PAX3: variants seen among roughly 807,000 people sequenced by gnomAD.
PAX3 encodes the protein paired box protein Pax-3.
A neutral mutation model predicts 51.6 loss-of-function variants in PAX3; 14 were observed. The observed-to-expected ratio is 0.27, with a 90% CI of 0.18 to 0.42. PAX3 has a LOEUF of 0.42. Ranked by LOEUF, PAX3 falls within the 10% of genes least tolerant of loss-of-function variation. The pLI is 1.00. For synonymous variants in PAX3, 280 were observed against 253.4 expected (o/e 1.11, Z -1.00); for missense variants, 540 against 642.8 (o/e 0.84, Z 1.73).
intron 7 of PAX3, among the ~76,000 whole-genome samples, chr2:222,217,589 A>G (rs1467700224): frequency 6.7e-6 from 1 of 149,320 alleles, no homozygotes; most frequent in Non-Finnish European, 1.5e-5. Flanking sequence ...AGTAGTGAGG[A>G]AAAGGAGAAA....
chr2:222,253,966 C>A lies in PAX3; in HGVS notation c.587-21683G>T, dbSNP rs183957665. Among the ~76,000 whole-genome samples the A allele has an allele frequency of 4.3e-3, 652 of 152,144 alleles. 6 individuals are homozygous for A. Among genetic ancestry groups the A allele is most frequent in the African/African-American group, 0.015 (605 of 41,510 alleles). On this transcript the variant is annotated intron_variant, in intron 4 of 8. Transcript: ENST00000392070. ...CCACCACACCTGGCCTTTTTTTTCT[C>A]CAAAATGTTTCTTTAAATTTACATT...
At chr2:222,210,959 T>C (rs1691702248) in intron 7 of PAX3, among the ~76,000 whole-genome samples, 1 of 152,150 alleles carries the variant, frequency 6.6e-6, no homozygotes, top group African/African-American at 2.4e-5. Context: ...CTCACCCTCC[T>C]GGGCTTAAGC....
chr2:222,274,160 G>T (rs1309851769), intron 4 of PAX3, among the ~76,000 whole-genome samples: 1 of 151,990 alleles, frequency 6.6e-6, no homozygotes, highest in Non-Finnish European at 1.5e-5. Flanking sequence ...ATTCTAAAAG[G>T]ATATTTTTAA....
intron 5 of PAX3, among the ~76,000 whole-genome samples, chr2:222,226,676 A>T (rs953157674): frequency 6.6e-6 from 1 of 151,108 alleles, no homozygotes; most frequent in Non-Finnish European, 1.5e-5. Context: ...GGATTCTGCC[A>T]TATTCTCATT....
chr2:222,237,326 GCACACACA>G (rs3075849), intron 4 of PAX3, among the ~76,000 whole-genome samples: 40 of 146,454 alleles, frequency 2.7e-4, no homozygotes, highest in East Asian at 4.1e-4. Flanking sequence ...TTTATCACAT[GCACACACA>G]CACACACACA....
intron 7 of PAX3, among the ~76,000 whole-genome samples, chr2:222,216,796 C>G (rs1691978725): frequency 6.6e-6 from 1 of 152,100 alleles, no homozygotes; most frequent in South Asian, 2.1e-4. Flanking sequence ...AACTAGAAAG[C>G]CCACTCTACA....
chr2:222,205,542 C>T (rs1180013539), intron 7 of PAX3, among the ~76,000 whole-genome samples: 4 of 152,236 alleles, frequency 2.6e-5, no homozygotes, highest in East Asian at 3.9e-4. Context: ...ATATTATAAT[C>T]GTAATCTCAA....
intron 4 of PAX3, among the ~76,000 whole-genome samples, chr2:222,252,707 G>A (rs1284630871): frequency 1.3e-5 from 2 of 152,008 alleles, no homozygotes; most frequent in South Asian, 2.1e-4. Context: ...AGAGTTGTGT[G>A]GAACTTTTTT....
At chr2:222,251,400 C>T (rs1290916290) in intron 4 of PAX3, among the ~76,000 whole-genome samples, 1 of 152,098 alleles carries the variant, frequency 6.6e-6, no homozygotes, top group Non-Finnish European at 1.5e-5. Context: ...TGATGGTTTC[C>T]ACCTTCATCC....
Position 222,295,663 on chromosome 2 carries a change from A to T in PAX3, c.322-6T>A. The T allele has an allele frequency of 6.2e-7, 1 of 1,614,110 alleles. No individual in the cohort carries two copies. The highest frequency in any genetic ancestry group is 8.5e-7 in the Non-Finnish European group (1 of 1,180,026). On this transcript the variant is annotated splice_region_variant and splice_polypyrimidine_tract_variant and intron_variant, in intron 2 of 8. Transcript: ENST00000392070. The stretch of plus-strand genomic sequence containing the variant: ...ACGTCAGGCGTTGTCACCTGCTTTA[A>T]GAGAACAGGCGGGCAGGCGTTGGTA...
intron 4 of PAX3, among the ~76,000 whole-genome samples, chr2:222,244,212 G>T (rs1693128830): frequency 6.6e-6 from 1 of 152,142 alleles, no homozygotes; most frequent in African/African-American, 2.4e-5. Flanking sequence ...GTCTTTTTGT[G>T]TCTAAGCAAC....
Position 222,226,395 on chromosome 2 carries a change from G to A in PAX3, c.793-5008C>T, listed in dbSNP as rs148199828. 7.9e-5 allele frequency among the ~76,000 whole-genome samples: 12 copies of A among 152,156 alleles called. No homozygotes were observed. In the East Asian group the frequency reaches 1.9e-3, roughly 25 times the overall value. ...TTGGCCACCATTTGGAGAGCAGGTT[G>A]GAAACAGGATGGGCAAGATTGAACA... is the stretch of plus-strand genomic sequence containing the variant. On this transcript the variant is annotated intron_variant, in intron 5 of 8. Transcript: ENST00000392070.
At chr2:222,237,208 G>A (rs936958365) in intron 4 of PAX3, among the ~76,000 whole-genome samples, 1 of 152,024 alleles carries the variant, frequency 6.6e-6, no homozygotes, top group Admixed American at 6.6e-5. Context: ...AGGTTGTTCA[G>A]TTCATACAGC....
chr2:222,295,305 G>T (rs1695235394), intron 3 of PAX3, among the ~76,000 whole-genome samples: 1 of 152,140 alleles, frequency 6.6e-6, no homozygotes, highest in African/African-American at 2.4e-5. Flanking sequence ...TCTTTGGGGC[G>T]TCCTCAGCGG....
intron 4 of PAX3, chr2:222,264,782 T>G (rs1559295668): frequency 2.6e-5 from 4 of 152,346 alleles, no homozygotes; most frequent in Non-Finnish European, 5.9e-5. Flanking sequence ...TACAAAATGG[T>G]CACTCGCAGC....
intron 4 of PAX3, among the ~76,000 whole-genome samples, chr2:222,249,709 C>T (rs1357156543): frequency 6.6e-6 from 1 of 152,156 alleles, no homozygotes; most frequent in Non-Finnish European, 1.5e-5. Flanking sequence ...CCCCCGGGGT[C>T]CCGCAGTTCT....
At chr2:222,248,297 C>T (rs1442939912) in intron 4 of PAX3, among the ~76,000 whole-genome samples, 3 of 152,196 alleles carry the variant, frequency 2.0e-5, no homozygotes, top group African/African-American at 7.2e-5. Flanking sequence ...CCCAGAATTT[C>T]ATGTGCTTGC....
Position 222,231,969 on chromosome 2 carries a change from C to A in PAX3, c.792+109G>T. 3.2e-6 allele frequency: 3 copies of A among 935,492 alleles called. No homozygotes were observed. The South Asian group carries it at 4.0e-5, about 12-fold the overall frequency. The allele number at this position is 935,492 out of a possible 1,614,324, so 57.9% of individuals were successfully genotyped here. A position where few individuals can be genotyped will look rare whatever the true frequency, so the allele number is the denominator to read the frequency against. ...AACAATATGCATCCCTAGTAAAGGG[C>A]CATTCCTAATACATTTTTGGGGGGG... is the stretch of plus-strand genomic sequence containing the variant. On this transcript the variant is annotated intron_variant, in intron 5 of 8. Coordinates refer to ENST00000392070, the MANE Select transcript of PAX3 (RefSeq NM_181458.4).
chr2:222,297,269 G>A (rs1695354947), intron 1 of PAX3, 56 bp from the exon 2 acceptor site: 1 of 1,295,540 alleles, frequency 7.7e-7, no homozygotes, highest in South Asian at 1.3e-5. Flanking sequence ...AAAATAAAAA[G>A]CAAAGAACAG....
Sources: gnomAD v4.1 joint callset for allele counts (sites outside exome capture counted in the v4.1 genomes callset) on GRCh38, gnomAD v4.1.1 for gene constraint, MANE v1.5 for transcripts, NCBI Gene and HGNC (gene_info 2026-07-23, HGNC 2026-07-21) for gene names.